The following KPNA6 variants were observed in gnomAD, a reference collection of about 807,000 sequenced individuals.
KPNA6 encodes the protein karyopherin subunit alpha 6, also known as importin subunit alpha-7.
Under a neutral mutation model 72.0 loss-of-function variants are expected in KPNA6, and 9 were observed. The observed-to-expected ratio is 0.13, with a 90% CI of 0.08 to 0.22. The LOEUF (loss-of-function observed/expected upper bound fraction) is 0.22. Ranked by LOEUF, KPNA6 falls within the 10% of genes least tolerant of loss-of-function variation. The probability of loss-of-function intolerance (pLI) is 1.00; values close to 1 mark genes in which losing one functional copy is unlikely to be tolerated. For missense variants in KPNA6, 374 were observed against 655.7 expected (o/e 0.57, Z 4.69); for synonymous variants, 219 against 242.1 (o/e 0.90, Z 0.89).
In KPNA6 at chr1:32,176,096, CAAAAA is replaced by C; in HGVS notation, c.*5208_*5212del. Reference sequence around the variant, plus strand: ...GGGCGACAGGGTGAGGCTCTTGTCTCAAAAAAAAAAGTCCACATCTTCATGAACCC... The same window carrying C: ...GGGCGACAGGGTGAGGCTCTTGTCTCAAAAAGTCCACATCTTCATGAACCC... On this transcript the variant is annotated 3_prime_UTR_variant, in exon 14 of 14. Transcript: ENST00000373625. The C allele has an allele frequency of 6.9e-6, 1 of 145,822 alleles. No individual in the cohort carries two copies. Among genetic ancestry groups the C allele is most frequent in the African/African-American group, 2.5e-5 (1 of 39,866 alleles). 9.0% of individuals were successfully genotyped at this position (145,822 alleles called of 1,614,324 possible). A position where few individuals can be genotyped will look rare whatever the true frequency, so the allele number is the denominator to read the frequency against.
chr1:32,124,980 G>A lies in KPNA6; in HGVS notation c.4+16846G>A, dbSNP rs533118151. 1.2e-3 allele frequency among the ~76,000 whole-genome samples: 176 copies of A among 152,060 alleles called. 1 individual carries two copies. Among genetic ancestry groups the A allele is most frequent in the African/African-American group, 3.5e-3 (147 of 41,478 alleles). On this transcript the variant is annotated intron_variant, in intron 1 of 13. Coordinates refer to ENST00000373625, the MANE Select transcript of KPNA6 (RefSeq NM_012316.5). ...CTGCCTCAGCCTCCTGAGTAGCCGG[G>A]ACTACCGGCGCATGCCACCACGCCC...
In KPNA6 at chr1:32,170,851, T is replaced by C. The variant is rs1642422798; in HGVS notation, c.1568T>C (p.Ile523Thr). The change falls in exon 14 of 14, where the codon ATC becomes ACC. Residue 523 changes from isoleucine (I) to threonine (T), a missense_variant. Ile to Thr is a moderately conservative substitution (Grantham distance 89, BLOSUM62 -1). Coordinates refer to ENST00000373625, the MANE Select transcript of KPNA6 (RefSeq NM_012316.5). ...GTCGATGAAACGCAACAGCAGTTCA[T>C]CTTCCAGCAGCCTGAGGCCCCCATG... is the stretch of plus-strand genomic sequence containing the variant. ...PQVDETQQQF[I>T]FQQPEAPMEG... The C allele has an allele frequency of 1.2e-6, 2 of 1,614,072 alleles. No individual in the cohort carries two copies. Among genetic ancestry groups the C allele is most frequent in the East Asian group, 4.5e-5 (2 of 44,894 alleles).
intron 1 of KPNA6, 57 bp from the exon 2 acceptor site, chr1:32,154,531 T>G (rs1469475592): frequency 6.3e-7 from 1 of 1,584,018 alleles, no homozygotes; most frequent in Non-Finnish European, 8.6e-7. Flanking sequence ...AGAAGTCTAG[T>G]GAAAAGGAAA....
chr1:32,135,146 C>T (rs1357578503), intron 1 of KPNA6, among the ~76,000 whole-genome samples: 2 of 152,170 alleles, frequency 1.3e-5, no homozygotes, highest in East Asian at 1.9e-4. Flanking sequence ...CAGCTCACCG[C>T]AACCTCCACC....
At chr1:32,142,130 C>T (rs1341003423) in intron 1 of KPNA6, among the ~76,000 whole-genome samples, 2 of 151,858 alleles carry the variant, frequency 1.3e-5, no homozygotes, top group Non-Finnish European at 2.9e-5. Context: ...CTGGCCCGCA[C>T]CTGTAATCCC....
At position 32,162,846 on chromosome 1, in the gene KPNA6, A is replaced by T. The variant is rs565074914; in HGVS notation, c.911+322A>T. 1.0e-4 allele frequency among the ~76,000 whole-genome samples: 15 copies of T among 148,540 alleles called. No homozygotes were observed. In the East Asian group the frequency reaches 1.8e-3, roughly 18 times the overall value. On this transcript the variant is annotated intron_variant, in intron 9 of 13. Coordinates refer to ENST00000373625, the MANE Select transcript of KPNA6 (RefSeq NM_012316.5). ...CAAGACTCCGTCTCAAAGGAAAAAAAAGAATCCCAGCACTTTGGGAGGCTG... is the reference window on the plus strand; with the variant it reads ...CAAGACTCCGTCTCAAAGGAAAAAATAGAATCCCAGCACTTTGGGAGGCTG...
rs1182688508 is a variant in KPNA6, at chr1:32,169,975, G to A, written c.1338G>A (p.Glu446=). 2.5e-6 allele frequency: 4 copies of A among 1,614,042 alleles called. No individual in the cohort carries two copies. The highest frequency in any genetic ancestry group is 3.4e-6 in the Non-Finnish European group (4 of 1,180,032). The change falls in exon 13 of 14, where the codon GAG becomes GAA. Residue 446 remains glutamate (E), a synonymous_variant. Transcript: ENST00000373625. ...TGCAAGTGGCCCTCAATGGACTGGA[G>A]AACATCCTGCGGCTTGGAGAGCAAG... ...KIVQVALNGL[E]NILRLGEQEG...
At position 32,108,063 on chromosome 1, in the gene KPNA6, C is replaced by T; in HGVS notation, c.-68C>T. 6.2e-7 allele frequency: 1 copy of T among 1,612,126 alleles called. No individual in the cohort carries two copies. The highest frequency in any genetic ancestry group is 1.1e-5 in the South Asian group (1 of 90,966). On this transcript the variant is annotated 5_prime_UTR_variant, in exon 1 of 14. Transcript: ENST00000373625. ...CCGTCCTACAGATCCGCCATATTGT[C>T]TACTGAAAGCTGCCGCTGAAGCTGC...
intron 1 of KPNA6, among the ~76,000 whole-genome samples, chr1:32,139,058 T>A (rs1221953535): frequency 6.6e-6 from 1 of 152,202 alleles, no homozygotes; most frequent in African/African-American, 2.4e-5. Context: ...TACTTACCTA[T>A]CTGGCAAACA....
intron 1 of KPNA6, among the ~76,000 whole-genome samples, chr1:32,124,032 CAAAAAAAAAA>C (rs771086945): frequency 2.3e-5 from 1 of 43,126 alleles, no homozygotes; most frequent in African/African-American, 8.8e-5. Context: ...GACTCTGTCT[CAAAAAAAAAA>C]AAAAAAAAAA....
intron 1 of KPNA6, among the ~76,000 whole-genome samples, chr1:32,110,184 C>G (rs1641222024): frequency 6.6e-6 from 1 of 151,118 alleles, no homozygotes; most frequent in Admixed American, 6.6e-5. Flanking sequence ...CCTGCCTCAG[C>G]CTCCTGAGTA....
intron 1 of KPNA6, among the ~76,000 whole-genome samples, chr1:32,110,190 G>T (rs1054952451): frequency 3.3e-5 from 5 of 150,220 alleles, no homozygotes; most frequent in Non-Finnish European, 7.4e-5. Context: ...TCAGCCTCCT[G>T]AGTAGCTGGG....
At chr1:32,142,247 C>A (rs1641851965) in intron 1 of KPNA6, among the ~76,000 whole-genome samples, 1 of 126,098 alleles carries the variant, frequency 7.9e-6, no homozygotes, top group Admixed American at 9.2e-5. Flanking sequence ...CAGAGCGAGA[C>A]CCTGTCTCAA....
chr1:32,153,825 C>T (rs1642084302), intron 1 of KPNA6, among the ~76,000 whole-genome samples: 1 of 152,116 alleles, frequency 6.6e-6, no homozygotes, highest in Non-Finnish European at 1.5e-5. Flanking sequence ...CATTTATTTA[C>T]CTACAACTGA....
intron 1 of KPNA6, among the ~76,000 whole-genome samples, chr1:32,148,233 T>C (rs1641965907): frequency 6.6e-6 from 1 of 152,074 alleles, no homozygotes; most frequent in African/African-American, 2.4e-5. Context: ...GCCCCCCCAC[T>C]TGCTGGGATT....
At chr1:32,155,750 A>G (rs1381125625) in intron 2 of KPNA6, among the ~76,000 whole-genome samples, 2 of 145,272 alleles carry the variant, frequency 1.4e-5, no homozygotes, top group African/African-American at 2.6e-5. Context: ...TTATTGAGAC[A>G]AGGTCTCACT....
In KPNA6 at chr1:32,108,361, T is replaced by A. The variant is rs949646309; in HGVS notation, c.4+227T>A. ...GGTTTCGGGGACACCTTGGCACGCCTGGAGCCCCCCACATGGTGGCCTCGG... is the reference window on the plus strand; with the variant it reads ...GGTTTCGGGGACACCTTGGCACGCCAGGAGCCCCCCACATGGTGGCCTCGG... On this transcript the variant is annotated intron_variant, in intron 1 of 13. Transcript: ENST00000373625. Among the ~76,000 whole-genome samples, 5 of 152,262 alleles carry A rather than the reference T, an allele frequency of 3.3e-5. No homozygotes were observed. In the South Asian group the frequency reaches 6.2e-4, roughly 19 times the overall value.
At chr1:32,163,421 G>T (rs1340734406) in intron 10 of KPNA6, 108 bp downstream of exon 10, 2 of 760,198 alleles carry the variant, frequency 2.6e-6, no homozygotes. Flanking sequence ...CTGATGGGAG[G>T]CACTATGGTC....
chr1:32,159,349 G>T (rs755200390), intron 5 of KPNA6, 51 bp from the exon 6 acceptor site: 6 of 1,601,100 alleles, frequency 3.7e-6, no homozygotes, highest in South Asian at 1.1e-5. Context: ...TGATAGGCAT[G>T]GCTGCTCAGT....
Sources: allele counts gnomAD v4.1 joint callset (sites outside exome capture counted in the v4.1 genomes callset), GRCh38; gene constraint gnomAD v4.1.1; transcripts MANE v1.5; gene names NCBI Gene and HGNC (gene_info 2026-07-23, HGNC 2026-07-21).